The following TBC1D19 variants were observed in gnomAD, a reference collection of about 807,000 sequenced individuals.
TBC1D19 encodes TBC1 domain family, member 19.
In TBC1D19, 60 loss-of-function variants were observed where a neutral mutation model predicts 89.0. The ratio of observed to expected loss-of-function variants is 0.67; its 90% CI spans 0.55 to 0.84. The LOEUF (loss-of-function observed/expected upper bound fraction) is 0.84. Among genes scored for constraint, TBC1D19 ranks in the 40% least tolerant of loss-of-function variants. TBC1D19 has a pLI of 0.00. For missense variants in TBC1D19, 500 were observed against 610.8 expected (o/e 0.82, Z 1.91); for synonymous variants, 189 against 199.7 (o/e 0.95, Z 0.45).
chr4:26,613,292 T>G, intron 2 of TBC1D19, 51 bp downstream of exon 2: 1 of 1,183,400 alleles, frequency 8.5e-7, no homozygotes, highest in Non-Finnish European at 1.2e-6. Context: ...AATGTTTTAT[T>G]TATTCCTAAT....
chr4:26,813,077 AG>A, the TBC1D19 span, among the ~76,000 whole-genome samples: 1 of 151,854 alleles, frequency 6.6e-6, no homozygotes, highest in African/African-American at 2.4e-5. Context: ...AAAATTAGCC[AG>A]GTGTGGTGGC....
At position 26,622,864 on chromosome 4, in the gene TBC1D19, C is replaced by G. The variant is rs1001058266; in HGVS notation, c.294+2176C>G. 2.0e-5 allele frequency among the ~76,000 whole-genome samples: 3 copies of G among 152,108 alleles called. No homozygotes were observed. The South Asian group carries it at 6.2e-4, about 31-fold the overall frequency. The stretch of plus-strand genomic sequence containing the variant: ...TCCCTTTCATACAAGGTTTGCCTAT[C>G]CCCGCACTAAATTATTCATTCTTCA... On this transcript the variant is annotated intron_variant, in intron 4 of 20. Transcript: ENST00000264866.
chr4:26,801,831 G>A, the TBC1D19 span, among the ~76,000 whole-genome samples: 2 of 152,132 alleles, frequency 1.3e-5, no homozygotes, highest in Non-Finnish European at 1.5e-5. Context: ...TCAAATTCAT[G>A]TGCAATCAGG....
intron 15 of TBC1D19, among the ~76,000 whole-genome samples, chr4:26,731,855 C>T (rs1357743524): frequency 2.0e-5 from 3 of 151,858 alleles, no homozygotes; most frequent in African/African-American, 7.3e-5. Flanking sequence ...AAGTTACGTC[C>T]GTAGGGATGG....
the TBC1D19 span, among the ~76,000 whole-genome samples, chr4:26,832,725 C>T: frequency 1.3e-5 from 2 of 151,932 alleles, no homozygotes; most frequent in Non-Finnish European, 2.9e-5. Context: ...GAAAACATAC[C>T]CCCTCGACTA....
chr4:26,701,213 A>G (rs1264449222), intron 13 of TBC1D19, among the ~76,000 whole-genome samples: 1 of 152,174 alleles, frequency 6.6e-6, no homozygotes, highest in Non-Finnish European at 1.5e-5. Context: ...CAAAAACTTC[A>G]AAGCAGCCAT....
upstream of TBC1D19, among the ~76,000 whole-genome samples, chr4:26,581,255 C>G (rs965899265): frequency 1.3e-5 from 2 of 152,144 alleles, no homozygotes; most frequent in Non-Finnish European, 2.9e-5. Flanking sequence ...ATGTGCAGAA[C>G]GTGCAGGTTC....
chr4:26,673,367 A>G (rs562207672), intron 10 of TBC1D19, among the ~76,000 whole-genome samples: 27 of 150,162 alleles, frequency 1.8e-4, no homozygotes, highest in Middle Eastern at 3.4e-3. Flanking sequence ...TATGCATAAG[A>G]AATTTGGGGT....
chr4:26,635,663 G>C (rs562596363), intron 4 of TBC1D19, among the ~76,000 whole-genome samples: 2 of 152,038 alleles, frequency 1.3e-5, no homozygotes, highest in Non-Finnish European at 2.9e-5. Flanking sequence ...ACATTACTTA[G>C]AGTAGAAATA....
At chr4:26,618,259 T>C (rs935646072) in intron 3 of TBC1D19, among the ~76,000 whole-genome samples, 1 of 152,028 alleles carries the variant, frequency 6.6e-6, no homozygotes, top group African/African-American at 2.4e-5. Context: ...ATTAGGGAAA[T>C]ACAAGGAACA....
intron 13 of TBC1D19, among the ~76,000 whole-genome samples, chr4:26,703,865 G>T (rs1279632703): frequency 6.7e-6 from 1 of 149,394 alleles, no homozygotes; most frequent in Non-Finnish European, 1.5e-5. Context: ...GGAGGCTGAG[G>T]CAGGAGAATG....
intron 20 of TBC1D19, among the ~76,000 whole-genome samples, 176 bp from the exon 21 acceptor site, chr4:26,754,697 G>A (rs564339060): frequency 3.5e-4 from 53 of 152,280 alleles, no homozygotes; most frequent in African/African-American, 1.2e-3. Flanking sequence ...TCAGCATTTT[G>A]CACATGTACT....
chr4:26,771,638 T>A, the TBC1D19 span, among the ~76,000 whole-genome samples: 16 of 152,238 alleles, frequency 1.1e-4, no homozygotes, highest in African/African-American at 2.9e-4. Flanking sequence ...GCAGAGTGGC[T>A]GTTGCCAGGG....
At chr4:26,638,659 A>G in intron 5 of TBC1D19, 112 bp from the exon 6 acceptor site, 1 of 758,398 alleles carries the variant, frequency 1.3e-6, no homozygotes, top group Non-Finnish European at 2.2e-6. Context: ...ATGAAATTAT[A>G]CTGTTATGGT....
downstream of TBC1D19, among the ~76,000 whole-genome samples, chr4:26,756,689 G>T (rs978766687): frequency 6.6e-6 from 1 of 152,164 alleles, no homozygotes; most frequent in Non-Finnish European, 1.5e-5. Flanking sequence ...AGCAAATGAA[G>T]GATATTGTTG....
chr4:26,655,665 C>G (rs1744747680), intron 7 of TBC1D19, among the ~76,000 whole-genome samples: 1 of 152,242 alleles, frequency 6.6e-6, no homozygotes. Context: ...ATAGGACCCT[C>G]CGAGCCAGGC....
intron 19 of TBC1D19, among the ~76,000 whole-genome samples, chr4:26,750,416 TG>T (rs1335360952): frequency 6.6e-6 from 1 of 152,204 alleles, no homozygotes; most frequent in Non-Finnish European, 1.5e-5. Flanking sequence ...AAAAGTAGAA[TG>T]GGTTCTTTAA....
chr4:26,789,499 A>G, the TBC1D19 span, among the ~76,000 whole-genome samples: 1 of 152,264 alleles, frequency 6.6e-6, no homozygotes, highest in East Asian at 1.9e-4. Flanking sequence ...TGAAAACCAC[A>G]GTGAGATATC....
intron 6 of TBC1D19, among the ~76,000 whole-genome samples, chr4:26,639,366 A>G (rs1388438475): frequency 3.9e-5 from 6 of 151,966 alleles, no homozygotes; most frequent in Admixed American, 6.6e-5. Context: ...GGCCTTATTT[A>G]TCCTTTTTTA....
Sources: gnomAD v4.1 joint callset for allele counts (sites outside exome capture counted in the v4.1 genomes callset) on GRCh38, gnomAD v4.1.1 for gene constraint, MANE v1.5 for transcripts, NCBI Gene and HGNC (gene_info 2026-07-23, HGNC 2026-07-21) for gene names.